The following GARNL3 variants were observed in gnomAD, a reference collection of about 807,000 sequenced individuals.
GARNL3 encodes the protein GTPase-activating Rap/Ran-GAP domain-like protein 3.
GARNL3 carries 63 observed loss-of-function variants against 125.0 expected under a neutral mutation model. That is an observed-to-expected ratio of 0.50 (90% CI 0.41 to 0.62). The LOEUF is 0.62. GARNL3 is among the 20% of genes least tolerant of loss of function. The pLI is 0.00. For synonymous variants in GARNL3, 439 were observed against 457.5 expected (o/e 0.96, Z 0.52); for missense variants, 994 against 1,244.0 (o/e 0.80, Z 3.02).
intron 26 of GARNL3, 74 bp downstream of exon 26, chr9:127,389,193 C>A: frequency 1.8e-6 from 2 of 1,094,732 alleles, no homozygotes; most frequent in Non-Finnish European, 1.4e-6. Flanking sequence ...ATGAATTGTC[C>A]TCAGAAACAA....
chr9:127,270,507 A>G (rs2063798977), intron 1 of GARNL3, among the ~76,000 whole-genome samples: 1 of 152,046 alleles, frequency 6.6e-6, no homozygotes, highest in Non-Finnish European at 1.5e-5. Flanking sequence ...TCTGGAACAC[A>G]CTGAGCTCTT....
upstream of GARNL3, chr9:127,264,439 A>G (rs75660402): frequency 1.9e-4 from 153 of 824,620 alleles, 2 homozygotes; most frequent in East Asian, 0.014. Context: ...TTAAAGGGGG[A>G]CAGAGGGTGG....
intron 17 of GARNL3, 51 bp from the exon 18 acceptor site, chr9:127,353,795 G>A: frequency 2.4e-6 from 3 of 1,270,514 alleles, no homozygotes; most frequent in Non-Finnish European, 3.5e-6. Context: ...GGTGGGTTCT[G>A]GAAAGCGTGG....
Position 127,385,116 on chromosome 9 carries a change from G to A in GARNL3, c.2359G>A (p.Val787Met), listed in dbSNP as rs777295800. The change falls in exon 24 of 28, where the codon GTG becomes ATG. Residue 787 changes from valine (V) to methionine (M), a missense_variant. Val to Met is a conservative substitution (Grantham distance 21, BLOSUM62 1). Around this residue, in one of 5 missense-constraint regions of GARNL3, gnomAD observed 728 missense variants for 865.7 expected, o/e 0.84. Coordinates refer to ENST00000373387, the MANE Select transcript of GARNL3 (RefSeq NM_032293.5). The surrounding 1 kb of genome is among the most constrained non-coding windows in gnomAD (Gnocchi z 4.1). ...CGGGAACCTGGTCCACACTGCAGTC[G>A]TGCCGCAGCTGCAGCTGGTGGCCTC... is the stretch of plus-strand genomic sequence containing the variant. Reference protein sequence around the residue: ...VNGNLVHTAVVPQLQLVASRS... With the variant: ...VNGNLVHTAVMPQLQLVASRS... 1.9e-5 allele frequency: 31 copies of A among 1,608,378 alleles called. No individual in the cohort carries two copies. Among genetic ancestry groups the A allele is most frequent in the African/African-American group, 2.7e-5 (2 of 74,802 alleles).
chr9:127,268,200 G>A (rs748536638), intron 1 of GARNL3, among the ~76,000 whole-genome samples: 2 of 152,156 alleles, frequency 1.3e-5, no homozygotes, highest in African/African-American at 4.8e-5. Context: ...GCCTCACACC[G>A]TGTCCCCAGG....
At chr9:127,297,563 G>A (rs764696421) in intron 2 of GARNL3, among the ~76,000 whole-genome samples, 12 of 152,136 alleles carry the variant, frequency 7.9e-5, no homozygotes, top group Non-Finnish European at 1.3e-4. Context: ...GCTAAGAACT[G>A]TGAACATTAA....
At chr9:127,274,353 C>T (rs1449581235) in intron 1 of GARNL3, among the ~76,000 whole-genome samples, 2 of 152,192 alleles carry the variant, frequency 1.3e-5, no homozygotes, top group African/African-American at 4.8e-5. Flanking sequence ...CAGCTGAACA[C>T]ATGCTGTAAT....
chr9:127,255,834 C>A (rs187532226), intron 2 of GARNL3, among the ~76,000 whole-genome samples: 2 of 152,276 alleles, frequency 1.3e-5, no homozygotes, highest in Admixed American at 6.5e-5. Context: ...AAAGACCACA[C>A]TGAGCAGCAG....
intron 2 of GARNL3, among the ~76,000 whole-genome samples, chr9:127,247,081 T>G (rs1452784446): frequency 6.6e-6 from 1 of 152,086 alleles, no homozygotes; most frequent in Non-Finnish European, 1.5e-5. Flanking sequence ...TTAGTTTGCC[T>G]CTTGTGTGGT....
chr9:127,371,409 C>T (rs1236076098), intron 22 of GARNL3, among the ~76,000 whole-genome samples: 1 of 152,182 alleles, frequency 6.6e-6, no homozygotes, highest in African/African-American at 2.4e-5. Context: ...TCCAGAGATT[C>T]CTGGAGACAG....
intron 1 of GARNL3, among the ~76,000 whole-genome samples, chr9:127,269,775 T>TTGTTTTTTG (rs1204613426): frequency 9.9e-4 from 126 of 127,002 alleles, no homozygotes; most frequent in African/African-American, 3.1e-3. Context: ...TTGTTTTGTT[T>TTGTTTTTTG]TGTTTTTTGT....
At chr9:127,366,023 T>C (rs7044102) in intron 22 of GARNL3, among the ~76,000 whole-genome samples, 42,950 of 152,028 alleles carry the variant, frequency 0.28, 7,078 homozygotes, top group Middle Eastern at 0.45. Flanking sequence ...AAAGCTAATA[T>C]TATAATACAT....
At chr9:127,346,530 T>A (rs1830147067) in intron 16 of GARNL3, among the ~76,000 whole-genome samples, 1 of 152,220 alleles carries the variant, frequency 6.6e-6, no homozygotes, top group African/African-American at 2.4e-5. Flanking sequence ...ATTTACTGTT[T>A]CCAAGTACGT....
chr9:127,326,627 G>A (rs1461483300), intron 7 of GARNL3, among the ~76,000 whole-genome samples: 2 of 152,006 alleles, frequency 1.3e-5, no homozygotes, highest in African/African-American at 4.8e-5. Flanking sequence ...CACCTACTAT[G>A]CACCCATAGT....
intron 5 of GARNL3, among the ~76,000 whole-genome samples, chr9:127,319,375 G>A (rs1210556263): frequency 1.3e-5 from 2 of 151,968 alleles, no homozygotes; most frequent in African/African-American, 4.8e-5. Context: ...TCAGCTACTC[G>A]GGAGGCTGAG....
intron 9 of GARNL3, among the ~76,000 whole-genome samples, chr9:127,334,766 G>A (rs1829457167): frequency 6.6e-6 from 1 of 152,194 alleles, no homozygotes; most frequent in South Asian, 2.1e-4. Context: ...GAGAAGTGAG[G>A]TAACTTGTCA....
intron 12 of GARNL3, among the ~76,000 whole-genome samples, chr9:127,339,367 G>C (rs1034788608): frequency 6.6e-6 from 1 of 152,054 alleles, no homozygotes; most frequent in East Asian, 1.9e-4. Flanking sequence ...GAATTATGGT[G>C]GGAGGCAAAA....
intron 2 of GARNL3, among the ~76,000 whole-genome samples, chr9:127,257,780 A>G (rs1398546213): frequency 6.6e-6 from 1 of 152,248 alleles, no homozygotes; most frequent in Non-Finnish European, 1.5e-5. Flanking sequence ...ACCTGTGTTC[A>G]AGTAGAGCAA....
At chr9:127,230,588 G>T (rs978814180) in intron 1 of GARNL3, among the ~76,000 whole-genome samples, 4 of 151,842 alleles carry the variant, frequency 2.6e-5, no homozygotes, top group African/African-American at 9.7e-5. Flanking sequence ...AGGAGGCAGA[G>T]GTTGCGGTGA....
Sources: gnomAD v4.1 joint callset for allele counts (sites outside exome capture counted in the v4.1 genomes callset) on GRCh38, gnomAD v4.1.1 for gene constraint, gnomAD v4.1.1 regional missense constraint, Gnocchi (gnomAD v3.1) non-coding constraint, MANE v1.5 for transcripts, NCBI Gene and HGNC (gene_info 2026-07-23, HGNC 2026-07-21) for gene names.